Variants in FLT1 observed in about 807,000 individuals in gnomAD.
FLT1 encodes the protein fms related receptor tyrosine kinase 1, also known as vascular endothelial growth factor receptor 1.
Under a neutral mutation model 156.3 loss-of-function variants are expected in FLT1, and 49 were observed. That is an observed-to-expected ratio of 0.31 (90% CI 0.25 to 0.40). The LOEUF is 0.40. FLT1 is among the 10% of genes least tolerant of loss of function. The probability of loss-of-function intolerance (pLI) is 1.00; values close to 1 mark genes in which losing one functional copy is unlikely to be tolerated. For synonymous variants in FLT1, 594 were observed against 583.8 expected (o/e 1.02, Z -0.25); for missense variants, 1,322 against 1,637.2 (o/e 0.81, Z 3.32).
At chr13:28,326,349 C>T (rs1871677555) in intron 20 of FLT1, among the ~76,000 whole-genome samples, 1 of 152,152 alleles carries the variant, frequency 6.6e-6, no homozygotes, top group Non-Finnish European at 1.5e-5. Flanking sequence ...CAATGTTTAA[C>T]CACCACACTA....
intron 14 of FLT1, among the ~76,000 whole-genome samples, chr13:28,367,793 A>C (rs6491275): frequency 0.69 from 104,997 of 152,032 alleles, 37,071 homozygotes; most frequent in Admixed American, 0.78. Flanking sequence ...AGTTGACTAT[A>C]TGTATTGTTG....
At chr13:28,413,317 T>C (rs1876431508) in intron 10 of FLT1, among the ~76,000 whole-genome samples, 1 of 152,086 alleles carries the variant, frequency 6.6e-6, no homozygotes, top group Non-Finnish European at 1.5e-5. Context: ...TTTTCCTTCC[T>C]CCTGGCTCCT....
At chr13:28,329,581 G>T (rs1034562252) in intron 19 of FLT1, 34 bp downstream of exon 19, 1 of 1,425,846 alleles carries the variant, frequency 7.0e-7, no homozygotes, top group Non-Finnish European at 9.9e-7. Context: ...CCTGTGCAGG[G>T]GGAGACGGAG....
At chr13:28,420,613 T>C (rs1205685671) in intron 10 of FLT1, among the ~76,000 whole-genome samples, 1 of 152,196 alleles carries the variant, frequency 6.6e-6, no homozygotes, top group Non-Finnish European at 1.5e-5. Context: ...ATGTTGACTT[T>C]TTCAATTTTT....
chr13:28,475,464 T>C lies in FLT1; in HGVS notation c.65-7847A>G, dbSNP rs114012093. On this transcript the variant is annotated intron_variant, in intron 1 of 29. Transcript: ENST00000282397. ...ATGTTTCTAAAATTTGAATTTAAGA[T>C]CATGAGCCTTTTACAAAGGTTGTTC... Among the ~76,000 whole-genome samples the C allele has an allele frequency of 7.7e-3, 1,176 of 152,308 alleles. 11 individuals carry two copies. Among genetic ancestry groups the C allele is most frequent in the African/African-American group, 0.027 (1,113 of 41,560 alleles).
At chr13:28,304,505 C>G (rs1477931083) in intron 29 of FLT1, among the ~76,000 whole-genome samples, 2 of 151,452 alleles carry the variant, frequency 1.3e-5, no homozygotes, top group Non-Finnish European at 2.9e-5. Context: ...GCCCACCTGT[C>G]TGGTGTTTTT....
chr13:28,305,158 G>C (rs1870689386), intron 29 of FLT1, among the ~76,000 whole-genome samples: 1 of 152,168 alleles, frequency 6.6e-6, no homozygotes, highest in South Asian at 2.1e-4. Context: ...GTGTATGAGG[G>C]TTCCAATTTC....
At chr13:28,452,183 T>A (rs1878981666) in intron 3 of FLT1, among the ~76,000 whole-genome samples, 1 of 152,138 alleles carries the variant, frequency 6.6e-6, no homozygotes, top group Non-Finnish European at 1.5e-5. Context: ...CATTTTATAA[T>A]GCACACAAAG....
intron 13 of FLT1, 21 bp downstream of exon 13, chr13:28,389,774 GC>G: frequency 6.2e-7 from 1 of 1,614,082 alleles, no homozygotes; most frequent in Non-Finnish European, 8.5e-7. Flanking sequence ...AGAGAAAACA[GC>G]CTTTTTGTTG....
At chr13:28,489,691 G>A (rs1177752528) in intron 1 of FLT1, among the ~76,000 whole-genome samples, 1 of 152,146 alleles carries the variant, frequency 6.6e-6, no homozygotes, top group Non-Finnish European at 1.5e-5. Context: ...GAAGAAGGGG[G>A]AATAATTTGT....
At chr13:28,405,295 AG>A (rs1875717601) in intron 11 of FLT1, among the ~76,000 whole-genome samples, 2 of 152,194 alleles carry the variant, frequency 1.3e-5, no homozygotes, top group African/African-American at 2.4e-5. Context: ...TTGCAGACAG[AG>A]GGAAATACAT....
At chr13:28,407,104 G>A (rs771763267) in intron 10 of FLT1, among the ~76,000 whole-genome samples, 1 of 152,168 alleles carries the variant, frequency 6.6e-6, no homozygotes, top group African/African-American at 2.4e-5. Flanking sequence ...AGCTACAGGA[G>A]GACAGGGGAC....
chr13:28,347,520 C>T (rs1872608513), intron 15 of FLT1, among the ~76,000 whole-genome samples: 1 of 151,338 alleles, frequency 6.6e-6, no homozygotes, highest in Non-Finnish European at 1.5e-5. Flanking sequence ...GACTCCATCT[C>T]AAAACCAAAA....
At chr13:28,389,584 T>C (rs1273022765) in intron 13 of FLT1, 3 of 1,445,354 alleles carry the variant, frequency 2.1e-6, no homozygotes, top group Non-Finnish European at 2.7e-6. Flanking sequence ...GTCTCATTAT[T>C]ACTGCTATCA....
At chr13:28,388,402 T>C (rs1170700629) in intron 13 of FLT1, 2 of 1,056,336 alleles carry the variant, frequency 1.9e-6, no homozygotes, top group Non-Finnish European at 2.3e-6. Flanking sequence ...TCACCTCCTA[T>C]TGAACTGCCC....
chr13:28,324,978 A>C (rs1186110632), intron 20 of FLT1, among the ~76,000 whole-genome samples: 1 of 152,238 alleles, frequency 6.6e-6, no homozygotes, highest in African/African-American at 2.4e-5. Flanking sequence ...AACCATATTT[A>C]AGGATCCCAG....
intron 23 of FLT1, 62 bp downstream of exon 23, chr13:28,321,401 C>A: frequency 6.3e-7 from 1 of 1,584,972 alleles, no homozygotes; most frequent in South Asian, 1.1e-5. Flanking sequence ...AAATATTTAC[C>A]AAGTCTGTGG....
At chr13:28,454,545 A>G (rs76839733) in intron 3 of FLT1, among the ~76,000 whole-genome samples, 12,840 of 152,256 alleles carry the variant, frequency 0.084, 713 homozygotes, top group Admixed American at 0.18. Flanking sequence ...TCTGAGAAAT[A>G]AATGGAGATG....
intron 3 of FLT1, among the ~76,000 whole-genome samples, chr13:28,447,872 C>A (rs1380464584): frequency 1.3e-5 from 2 of 150,422 alleles, no homozygotes; most frequent in African/African-American, 2.4e-5. Flanking sequence ...TTATAATATA[C>A]AATTGTATGA....
Sources: allele counts gnomAD v4.1 joint callset (sites outside exome capture counted in the v4.1 genomes callset), GRCh38; gene constraint gnomAD v4.1.1; transcripts MANE v1.5; gene names NCBI Gene and HGNC (gene_info 2026-07-23, HGNC 2026-07-21).